SACS: variants seen among roughly 807,000 people sequenced by gnomAD.
SACS encodes sacsin molecular chaperone.
SACS carries 197 observed loss-of-function variants against 348.0 expected under a neutral mutation model. The observed-to-expected ratio is 0.57, with a 90% CI of 0.50 to 0.64. The LOEUF is 0.64. Ranked by LOEUF, SACS falls within the 30% of genes least tolerant of loss-of-function variation. The pLI is 0.00. For missense variants in SACS, 4,999 were observed against 5,360.8 expected, an observed-to-expected ratio of 0.93 and a Z score of 2.11; for synonymous variants, 1,985 against 1,910.6, an observed-to-expected ratio of 1.04 and a Z score of -1.02.
At position 23,368,907 on chromosome 13, in the gene SACS, G is replaced by C. The variant is rs185248067; in HGVS notation, c.260-420C>G. On this transcript the variant is annotated intron_variant, in intron 4 of 9. Transcript: ENST00000382292. ...GTAGAGATGGGGTTTCACCATGTTA[G>C]CCAGGATGGTCTTGATCTCCTGACC... 2.1e-3 allele frequency among the ~76,000 whole-genome samples: 314 copies of C among 152,156 alleles called. 3 individuals are homozygous for C. The highest frequency in any genetic ancestry group is 3.0e-3 in the Non-Finnish European group (206 of 67,992).
chr13:23,337,247 T>C lies in SACS; in HGVS notation c.6629A>G (p.Tyr2210Cys), dbSNP rs758797452. 3.1e-6 allele frequency: 5 copies of C among 1,613,976 alleles called. No individual in the cohort carries two copies. The highest frequency in any genetic ancestry group is 2.5e-6 in the Non-Finnish European group (3 of 1,179,926). ...DPRAKDFAAKYQTIRFLPFLT... is the reference protein window; with the variant it reads ...DPRAKDFAAKCQTIRFLPFLT... ...AAATGGAAGGAAGCGGATTGTTTGA[T>C]ATTTTGCAGCAAAATCCTTTGCTCT... Residue 2210 changes from tyrosine (Y) to cysteine (C), a missense_variant, in exon 10 of 10, where the codon TAT becomes TGT. By Grantham distance (194) the Tyr-to-Cys change is radical. This residue lies in a region of SACS where 3,156 missense variants were observed against 3,380.1 expected (regional missense o/e 0.93). Coordinates refer to ENST00000382292, the MANE Select transcript of SACS (RefSeq NM_014363.6).
Position 23,371,800 on chromosome 13 carries a change from C to A in SACS, c.172-635G>T, listed in dbSNP as rs935871502. Among the ~76,000 whole-genome samples the A allele has an allele frequency of 2.0e-5, 3 of 152,068 alleles. No homozygotes were observed. In the East Asian group the frequency reaches 5.8e-4, roughly 29 times the overall value. ...AGAACTATTAAAACTACCAAAAAGG[C>A]AAGAGAATAATCAGCACAAAGGGGT... On this transcript the variant is annotated intron_variant, in intron 3 of 9. Transcript: ENST00000382292.
At chr13:23,385,628 G>A (rs1452144188) in intron 2 of SACS, among the ~76,000 whole-genome samples, 2 of 152,060 alleles carry the variant, frequency 1.3e-5, no homozygotes, top group Admixed American at 1.3e-4. Flanking sequence ...AAAGTGCTAG[G>A]ACTACAGGCA....
At chr13:23,393,783 C>T (rs930620064) in intron 2 of SACS, among the ~76,000 whole-genome samples, 2 of 151,634 alleles carry the variant, frequency 1.3e-5, no homozygotes, top group African/African-American at 4.8e-5. Flanking sequence ...TTTTTTGAGA[C>T]GGAGTCTCGC....
At chr13:23,393,927 A>C (rs1206152200) in intron 2 of SACS, among the ~76,000 whole-genome samples, 1 of 151,830 alleles carries the variant, frequency 6.6e-6, no homozygotes, top group Non-Finnish European at 1.5e-5. Context: ...CGCCCGGCTA[A>C]TTTTTTGTAT....
chr13:23,397,776 G>A (rs766679788), intron 2 of SACS, among the ~76,000 whole-genome samples: 1 of 152,150 alleles, frequency 6.6e-6, no homozygotes, highest in Non-Finnish European at 1.5e-5. Context: ...TTTATTATGG[G>A]CCAAATATGA....
At chr13:23,342,166 G>A (rs1269435641) in intron 9 of SACS, among the ~76,000 whole-genome samples, 1 of 152,100 alleles carries the variant, frequency 6.6e-6, no homozygotes, top group Non-Finnish European at 1.5e-5. Context: ...TTAAATAATA[G>A]TGATAGAAAA....
chr13:23,410,691 T>C (rs997482817), intron 2 of SACS, among the ~76,000 whole-genome samples: 1 of 152,166 alleles, frequency 6.6e-6, no homozygotes, highest in African/African-American at 2.4e-5. Flanking sequence ...CATACTTTTT[T>C]TTTGCACAAA....
Position 23,341,334 on chromosome 13 carries a change from CA to C in SACS, c.2541del (p.Gly848GlufsTer8). 6.2e-7 allele frequency: 1 copy of C among 1,605,116 alleles called. No individual in the cohort carries two copies. The highest frequency in any genetic ancestry group is 8.5e-7 in the Non-Finnish European group (1 of 1,175,248). ...TCTAATTTTTTAAGGACAAACCCTCCAAGTTTTTGTACAATGTCTGCTAAAA... is the reference window on the plus strand; with the variant it reads ...TCTAATTTTTTAAGGACAAACCCTCCAGTTTTTGTACAATGTCTGCTAAAA... ...PEFLADIVQKLGGFVLKKLDA... is the reference protein window; with the variant it reads ...PEFLADIVQKXGGFVLKKLDA... On this transcript the variant is annotated frameshift_variant, in exon 10 of 10. Coordinates refer to ENST00000382292, the MANE Select transcript of SACS (RefSeq NM_014363.6). LOFTEE classifies it high-confidence loss of function.
intron 1 of SACS, among the ~76,000 whole-genome samples, chr13:23,412,577 C>T (rs1326179837): frequency 6.6e-6 from 1 of 151,892 alleles, no homozygotes; most frequent in Non-Finnish European, 1.5e-5. Context: ...TCACACTCAG[C>T]TAGTTTTTGT....
chr13:23,416,614 G>A (rs922610985), intron 1 of SACS, among the ~76,000 whole-genome samples: 1 of 151,850 alleles, frequency 6.6e-6, no homozygotes. Flanking sequence ...AAAATTAGCT[G>A]GGCGTGGTGG....
At position 23,332,433 on chromosome 13, in the gene SACS, G is replaced by C. The variant is rs1407301700; in HGVS notation, c.11443C>G (p.Leu3815Val). 1.2e-6 allele frequency: 2 copies of C among 1,613,904 alleles called. No individual in the cohort carries two copies. The highest frequency in any genetic ancestry group is 2.2e-5 in the South Asian group (2 of 91,068). Residue 3815 changes from leucine to valine, a missense_variant, in exon 10 of 10, where the codon CTA (leucine) becomes GTA (valine). By Grantham distance (32) the Leu-to-Val change is conservative (BLOSUM62 1). Coordinates refer to ENST00000382292, the MANE Select transcript of SACS (RefSeq NM_014363.6). The part of the protein sequence containing the change: ...LLKPEEVVIN[L>V]EYESDFKPYL... ...GGTTTAAAATCAGATTCATATTCTA[G>C]GTTTATGACTACCTCCTCAGGCTTC...
At chr13:23,372,681 A>G (rs909828141) in intron 3 of SACS, among the ~76,000 whole-genome samples, 3 of 152,164 alleles carry the variant, frequency 2.0e-5, no homozygotes, top group Non-Finnish European at 4.4e-5. Flanking sequence ...CAACAGCTGA[A>G]CTATATATAA....
At chr13:23,396,341 A>G (rs1872711250) in intron 2 of SACS, among the ~76,000 whole-genome samples, 1 of 142,090 alleles carries the variant, frequency 7.0e-6, no homozygotes, top group African/African-American at 3.0e-5. Context: ...AAAAAAAAAG[A>G]ACTTATATAA....
chr13:23,379,645 A>G (rs116675696), intron 2 of SACS, among the ~76,000 whole-genome samples: 2,209 of 152,322 alleles, frequency 0.015, 39 homozygotes, highest in African/African-American at 0.048. Context: ...AACTGTGCAC[A>G]CTGCTTGTGG....
chr13:23,330,387 C>T lies in SACS; in HGVS notation c.13489G>A (p.Asp4497Asn), dbSNP rs200645609. The T allele has an allele frequency of 1.2e-6, 2 of 1,614,180 alleles. No individual in the cohort carries two copies. The highest frequency in any genetic ancestry group is 2.2e-5 in the East Asian group (1 of 44,880). ...AADYAVRGKS[D>N]KDVKPTALAQ... ...AGTGCAGTTGGTTTTACATCTTTAT[C>T]AGACTTTCCCCTCACAGCATAGTCA... The change falls in exon 10 of 10, where the codon GAT (aspartate) becomes AAT (asparagine). Residue 4497 changes from aspartate to asparagine, a missense_variant. By Grantham distance (23) the Asp-to-Asn change is conservative. This residue lies in a region of SACS where 254 missense variants were observed against 275.1 expected (regional missense o/e 0.92). Coordinates refer to ENST00000382292, the MANE Select transcript of SACS (RefSeq NM_014363.6).
At chr13:23,375,509 A>T in intron 2 of SACS, 1 of 1,123,534 alleles carries the variant, frequency 8.9e-7, no homozygotes, top group Non-Finnish European at 1.1e-6. Context: ...GCCGAGGAGG[A>T]AACGCTAGAG....
intron 2 of SACS, among the ~76,000 whole-genome samples, chr13:23,383,892 C>T (rs1370828111): frequency 1.3e-5 from 2 of 152,162 alleles, no homozygotes; most frequent in East Asian, 3.8e-4. Context: ...CACCATCACC[C>T]TCTCCCCAAC....
chr13:23,407,696 C>G (rs1473390147), intron 2 of SACS, among the ~76,000 whole-genome samples: 1 of 152,160 alleles, frequency 6.6e-6, no homozygotes, highest in Non-Finnish European at 1.5e-5. Context: ...AATAGACTTT[C>G]TCTTTAACCA....
Sources: gnomAD v4.1 joint callset for allele counts (sites outside exome capture counted in the v4.1 genomes callset) on GRCh38, gnomAD v4.1.1 for gene constraint, gnomAD v4.1.1 regional missense constraint, MANE v1.5 for transcripts, NCBI Gene and HGNC (gene_info 2026-07-23, HGNC 2026-07-21) for gene names.